SLC25A46: variants seen among roughly 807,000 people sequenced by gnomAD.
The protein encoded by SLC25A46 is solute carrier family 25 member 46, also known as mitochondrial outer membrane protein SLC25A46.
Under a neutral mutation model 44.6 loss-of-function variants are expected in SLC25A46, and 39 were observed. The ratio of observed to expected loss-of-function variants is 0.87; its 90% CI spans 0.68 to 1.14. The LOEUF (loss-of-function observed/expected upper bound fraction) is 1.14, where lower values mean the gene tolerates loss of function less well. Ranked by LOEUF, SLC25A46 falls within the 50% of genes most tolerant of loss-of-function variation. SLC25A46 has a pLI of 0.00. For synonymous variants in SLC25A46, 202 were observed against 185.8 expected, an observed-to-expected ratio of 1.09 and a Z score of -0.71; for missense variants, 547 against 522.7, an observed-to-expected ratio of 1.05 and a Z score of -0.45.
rs903605999 is a variant in SLC25A46 at position 110,763,799 on chromosome 5, T to G, written c.*2017T>G. 1 of 151,942 alleles carries G rather than the reference T, an allele frequency of 6.6e-6. No individual in the cohort carries two copies. The highest frequency in any genetic ancestry group is 3.4e-3 in the Middle Eastern group (1 of 294). 9.4% of individuals were successfully genotyped at this position (151,942 alleles called of 1,614,324 possible). A position where few individuals can be genotyped will look rare whatever the true frequency, so the allele number is the denominator to read the frequency against. On this transcript the variant is annotated 3_prime_UTR_variant, in exon 8 of 8. Coordinates refer to ENST00000355943, the MANE Select transcript of SLC25A46 (RefSeq NM_138773.4). ...ACAAATAAGGTTGATCTTGTTTTCC[T>G]TTTTGGAGAAAGAGAATACAAATTA...
intron 3 of SLC25A46, chr5:110,746,042 G>A: frequency 2.2e-6 from 1 of 451,820 alleles, no homozygotes; most frequent in Non-Finnish European, 3.9e-6. Flanking sequence ...CTACAGTACT[G>A]TGTGTATTAT....
In SLC25A46 at chr5:110,763,704, A is replaced by G. The variant is rs188812972; in HGVS notation, c.*1922A>G. On this transcript the variant is annotated 3_prime_UTR_variant, in exon 8 of 8. Transcript: ENST00000355943. ...TTCAGGATATTTTTTGGAAGTTAGC[A>G]TGAAAATAGTTAGTTACATAAATTC... The G allele has an allele frequency of 6.6e-6, 1 of 152,048 alleles. No homozygotes were observed. Among genetic ancestry groups the G allele is most frequent in the Non-Finnish European group, 1.5e-5 (1 of 67,868 alleles). 9.4% of individuals were successfully genotyped at this position (152,048 alleles called of 1,614,324 possible). A position where few individuals can be genotyped will look rare whatever the true frequency, so the allele number is the denominator to read the frequency against.
At chr5:110,744,817 T>C (rs756323895) in intron 3 of SLC25A46, among the ~76,000 whole-genome samples, 16 of 152,318 alleles carry the variant, frequency 1.1e-4, no homozygotes, top group Non-Finnish European at 1.9e-4. Context: ...GTGGCTAGTT[T>C]AGCTTGCAGT....
chr5:110,759,135 C>CTTATAT (rs1800183752), intron 7 of SLC25A46, among the ~76,000 whole-genome samples: 1 of 152,006 alleles, frequency 6.6e-6, no homozygotes, highest in Admixed American at 6.6e-5. Context: ...TCTCATAGCA[C>CTTATAT]TTATATTCTT....
rs971911404 is a variant in SLC25A46, at chr5:110,761,982, A to G, written c.*200A>G. ...GGATCAAAATCCTTCCAAATTTGAAAACTCAATAAAAATAACACTTATTAA... is the reference window on the plus strand; with the variant it reads ...GGATCAAAATCCTTCCAAATTTGAAGACTCAATAAAAATAACACTTATTAA... On this transcript the variant is annotated 3_prime_UTR_variant, in exon 8 of 8. Coordinates refer to ENST00000355943, the MANE Select transcript of SLC25A46 (RefSeq NM_138773.4). The surrounding 1 kb of genome is among the most constrained non-coding windows in gnomAD (Gnocchi z 5.3). The G allele has an allele frequency of 2.0e-6, 1 of 500,064 alleles. No individual in the cohort carries two copies. Among genetic ancestry groups the G allele is most frequent in the African/African-American group, 1.9e-5 (1 of 51,532 alleles). 31.0% of individuals were successfully genotyped at this position (500,064 alleles called of 1,614,324 possible).
At chr5:110,757,740 G>A (rs1406617579) in intron 7 of SLC25A46, among the ~76,000 whole-genome samples, 2 of 152,070 alleles carry the variant, frequency 1.3e-5, no homozygotes, top group African/African-American at 4.8e-5. Context: ...AATTTACAGA[G>A]TTGTCACTTG....
rs1390567933 is a variant in SLC25A46, at chr5:110,761,480, G to C, written c.955G>C (p.Ala319Pro). 2 of 1,613,754 alleles carry C rather than the reference G, an allele frequency of 1.2e-6. No individual in the cohort carries two copies. Among genetic ancestry groups the C allele is most frequent in the Non-Finnish European group, 1.7e-6 (2 of 1,179,798 alleles). ...GGATGCTTATTTTCCAGAACTTATT[G>C]CTAACTTTGCTGCCAGTCTTTGTTC... ...MLDAYFPELI[A>P]NFAASLCSDV... Residue 319 changes from alanine (A) to proline (P), a missense_variant, in exon 8 of 8, where the codon GCT becomes CCT. By Grantham distance (27) the Ala-to-Pro change is conservative. Coordinates refer to ENST00000355943, the MANE Select transcript of SLC25A46 (RefSeq NM_138773.4). The surrounding 1 kb of genome is among the most constrained non-coding windows in gnomAD (Gnocchi z 5.3).
At chr5:110,752,547 T>G (rs3843243) in intron 5 of SLC25A46, among the ~76,000 whole-genome samples, 12,184 of 152,224 alleles carry the variant, frequency 0.08, 607 homozygotes, top group South Asian at 0.21. Flanking sequence ...TATACCACTG[T>G]AAACATCTTG....
intron 5 of SLC25A46, among the ~76,000 whole-genome samples, chr5:110,751,838 T>C (rs1246459535): frequency 6.6e-6 from 1 of 152,200 alleles, no homozygotes; most frequent in African/African-American, 2.4e-5. Flanking sequence ...GTATGAAGAA[T>C]GACTTCTTGT....
intron 5 of SLC25A46, among the ~76,000 whole-genome samples, chr5:110,749,825 A>T (rs1799915657): frequency 6.6e-6 from 1 of 152,144 alleles, no homozygotes. Flanking sequence ...TCTTACAAAG[A>T]GTATATGAAA....
intron 5 of SLC25A46, among the ~76,000 whole-genome samples, chr5:110,749,528 G>A (rs1799907673): frequency 6.7e-6 from 1 of 148,166 alleles, no homozygotes; most frequent in Admixed American, 6.8e-5. Flanking sequence ...GGGGTAGTTG[G>A]GGGAGATAAT....
chr5:110,743,461 T>C (rs887440595), intron 2 of SLC25A46, among the ~76,000 whole-genome samples: 1 of 152,106 alleles, frequency 6.6e-6, no homozygotes, highest in African/African-American at 2.4e-5. Context: ...TCTTATACTA[T>C]AGACATTAAT....
Position 110,739,128 on chromosome 5 carries a change from G to C in SLC25A46, c.9G>C (p.Pro3=), listed in dbSNP as rs993458791. 1 of 1,547,606 alleles carries C rather than the reference G, an allele frequency of 6.5e-7. No homozygotes were observed. The highest frequency in any genetic ancestry group is 2.0e-5 in the Admixed American group (1 of 50,948). ...ATCCTGCCCCCGCTGCGATGCATCC[G>C]CGGCGCCCGGACGGATTTGATGGCT... MH[P]RRPDGFDGLG... Residue 3 remains proline (P), a synonymous_variant, in exon 1 of 8, where the codon CCG becomes CCC. Coordinates refer to ENST00000355943, the MANE Select transcript of SLC25A46 (RefSeq NM_138773.4).
intron 5 of SLC25A46, among the ~76,000 whole-genome samples, chr5:110,753,044 C>T (rs186211867): frequency 2.6e-5 from 4 of 152,198 alleles, no homozygotes; most frequent in African/African-American, 9.6e-5. Context: ...AAGAGTGCTT[C>T]AAGGAGAGAA....
At position 110,760,847 on chromosome 5, in the gene SLC25A46, T is replaced by C. The variant is rs138089210; in HGVS notation, c.679-357T>C. Among the ~76,000 whole-genome samples, 1,481 of 152,260 alleles carry C rather than the reference T, an allele frequency of 9.7e-3. 21 individuals carry two copies. Among genetic ancestry groups the C allele is most frequent in the African/African-American group, 0.034 (1,420 of 41,546 alleles). On this transcript the variant is annotated intron_variant, in intron 7 of 7. Transcript: ENST00000355943. ...CAATGGTTACATAGCCAGTAAGTAA[T>C]GGAGCCAGGATTTAAACATGTTTAA... is the stretch of plus-strand genomic sequence containing the variant.
chr5:110,739,150 G>A lies in SLC25A46; in HGVS notation c.31G>A (p.Gly11Ser), dbSNP rs1799530412. 1.3e-6 allele frequency: 2 copies of A among 1,549,468 alleles called. No homozygotes were observed. The highest frequency in any genetic ancestry group is 1.2e-5 in the South Asian group (1 of 84,040). ...TCCGCGGCGCCCGGACGGATTTGAT[G>A]GCTTGGGCTACCGGGGTGGTGCCCG... MHPRRPDGFD[G>S]LGYRGGARDE... Residue 11 changes from glycine (G) to serine (S), a missense_variant, in exon 1 of 8, where the codon GGC becomes AGC. Transcript: ENST00000355943.
intron 1 of SLC25A46, among the ~76,000 whole-genome samples, chr5:110,740,520 C>T (rs980244753): frequency 6.6e-6 from 1 of 152,112 alleles, no homozygotes; most frequent in Non-Finnish European, 1.5e-5. Context: ...GCAGCCTTAA[C>T]AGGTGGGTGA....
rs775743304 is a variant in SLC25A46 at position 110,755,469 on chromosome 5, G to T, written c.568G>T (p.Val190Phe). The T allele has an allele frequency of 6.4e-7, 1 of 1,556,348 alleles. No homozygotes were observed. The highest frequency in any genetic ancestry group is 8.7e-7 in the Non-Finnish European group (1 of 1,144,366). Residue 190 changes from valine to phenylalanine, a missense_variant, in exon 6 of 8, where the codon GTT (valine) becomes TTT (phenylalanine). By Grantham distance (50) the Val-to-Phe change is conservative. Transcript: ENST00000355943. ...AAGTTTATTTTTATGTTTTAGGGAG[G>T]TTTTACATAAATGGAGTCCTAAACA... ...ISEFTPLPRE[V>F]LHKWSPKQIG...
At chr5:110,754,406 T>C (rs1350127805) in intron 5 of SLC25A46, 1 of 151,426 alleles carries the variant, frequency 6.6e-6, no homozygotes, top group Non-Finnish European at 1.5e-5. Context: ...TCTTTTCTTT[T>C]TTTTTTACCC....
Sources: gnomAD v4.1 joint callset for allele counts (sites outside exome capture counted in the v4.1 genomes callset) on GRCh38, gnomAD v4.1.1 for gene constraint, Gnocchi (gnomAD v3.1) non-coding constraint, MANE v1.5 for transcripts, NCBI Gene and HGNC (gene_info 2026-07-23, HGNC 2026-07-21) for gene names.